SLCO6A1: variants seen among roughly 807,000 people sequenced by gnomAD.
SLCO6A1 encodes the protein solute carrier organic anion transporter family member 6A1.
In SLCO6A1, 65 loss-of-function variants were observed where a neutral mutation model predicts 72.7. The ratio of observed to expected loss-of-function variants is 0.89; its 90% CI spans 0.73 to 1.10. SLCO6A1 has a LOEUF of 1.10. SLCO6A1 is among the 50% of genes least tolerant of loss of function. SLCO6A1 has a pLI of 0.00. For synonymous variants in SLCO6A1, 314 were observed against 298.2 expected, an observed-to-expected ratio of 1.05 and a Z score of -0.55; for missense variants, 874 against 872.6, an observed-to-expected ratio of 1.00 and a Z score of -0.02.
chr5:102,439,483 T>C (rs1749720839), intron 6 of SLCO6A1, among the ~76,000 whole-genome samples: 1 of 152,194 alleles, frequency 6.6e-6, no homozygotes, highest in Non-Finnish European at 1.5e-5. Context: ...ATTTAAATTT[T>C]CTTTTTCTGG....
At chr5:102,431,795 T>G (rs528028628) in intron 7 of SLCO6A1, among the ~76,000 whole-genome samples, 1 of 152,214 alleles carries the variant, frequency 6.6e-6, no homozygotes, top group Non-Finnish European at 1.5e-5. Flanking sequence ...TTTGTTAATT[T>G]TCTGCCTTGA....
chr5:102,439,141 C>T (rs1749705939), intron 6 of SLCO6A1, among the ~76,000 whole-genome samples: 1 of 151,490 alleles, frequency 6.6e-6, no homozygotes, highest in African/African-American at 2.4e-5. Context: ...TTTTTTTAAG[C>T]AAGTCTTTTT....
At chr5:102,391,182 T>A in intron 10 of SLCO6A1, 137 bp from the exon 11 acceptor site, 1 of 770,550 alleles carries the variant, frequency 1.3e-6, no homozygotes, top group Non-Finnish European at 2.1e-6. Flanking sequence ...TGACAGAGTT[T>A]AAGCTGGCCT....
At chr5:102,477,338 G>A (rs1242302809) in intron 3 of SLCO6A1, among the ~76,000 whole-genome samples, 2 of 152,112 alleles carry the variant, frequency 1.3e-5, no homozygotes, top group African/African-American at 4.8e-5. Flanking sequence ...TGGCCAGGCT[G>A]GTTTTGAACT....
At chr5:102,493,868 TAA>T (rs1395586594) in intron 1 of SLCO6A1, among the ~76,000 whole-genome samples, 1 of 152,150 alleles carries the variant, frequency 6.6e-6, no homozygotes, top group Non-Finnish European at 1.5e-5. Context: ...TTAATATCGT[TAA>T]GAGGTCAATT....
At chr5:102,497,870 C>G (rs1752976565) in intron 1 of SLCO6A1, among the ~76,000 whole-genome samples, 1 of 152,206 alleles carries the variant, frequency 6.6e-6, no homozygotes, top group South Asian at 2.1e-4. Flanking sequence ...GTCATGCAGC[C>G]TCTGGCGCCA....
At position 102,419,911 on chromosome 5, in the gene SLCO6A1, C is replaced by G; in HGVS notation, c.1387G>C (p.Val463Leu). ...ALMRFIMVTS[V>L]ISLILLVFII... ...AACACAAGCAGTATAAGTGATATCA[C>G]AGATGTAACCATTATAAATCTCATA... The change falls in exon 8 of 14, where the codon GTG becomes CTG. Residue 463 changes from valine to leucine, a missense_variant. Physicochemically the swap from Val to Leu is conservative, Grantham distance 32. Transcript: ENST00000506729. 1 of 1,608,172 alleles carries G rather than the reference C, an allele frequency of 6.2e-7. No individual in the cohort carries two copies. The highest frequency in any genetic ancestry group is 8.5e-7 in the Non-Finnish European group (1 of 1,178,174).
At chr5:102,375,161 A>G (rs1312477270) in intron 12 of SLCO6A1, among the ~76,000 whole-genome samples, 1 of 152,204 alleles carries the variant, frequency 6.6e-6, no homozygotes, top group East Asian at 1.9e-4. Flanking sequence ...AAGCTTTCAA[A>G]CAAATAGCAA....
At chr5:102,455,007 AAT>A (rs912771095) in intron 6 of SLCO6A1, among the ~76,000 whole-genome samples, 2,854 of 76,646 alleles carry the variant, frequency 0.037, 37 homozygotes, top group South Asian at 0.077. Context: ...AATATATATA[AAT>A]ATATATATAT....
At chr5:102,434,312 C>A (rs1295930907) in intron 7 of SLCO6A1, among the ~76,000 whole-genome samples, 1 of 152,016 alleles carries the variant, frequency 6.6e-6, no homozygotes, top group African/African-American at 2.4e-5. Flanking sequence ...AAGTATAATG[C>A]CTCCCTCTGG....
chr5:102,458,252 A>C (rs959846634), intron 6 of SLCO6A1, 130 bp downstream of exon 6: 21 of 627,748 alleles, frequency 3.3e-5, no homozygotes, highest in African/African-American at 2.9e-4. Flanking sequence ...AAAGTATAAT[A>C]ATAAAAAAGA....
intron 10 of SLCO6A1, among the ~76,000 whole-genome samples, chr5:102,392,400 C>A (rs1746815116): frequency 6.6e-6 from 1 of 151,820 alleles, no homozygotes; most frequent in Admixed American, 6.6e-5. Context: ...GGAAATGTTG[C>A]CTAATTATAA....
rs538530625 is a variant in SLCO6A1, at chr5:102,439,500, A to G, written c.1132-739T>C. Among the ~76,000 whole-genome samples, 166 of 152,236 alleles carry G rather than the reference A, an allele frequency of 1.1e-3. 1 individual carries two copies. Among genetic ancestry groups the G allele is most frequent in the African/African-American group, 3.7e-3 (155 of 41,566 alleles). On this transcript the variant is annotated intron_variant, in intron 6 of 13. Transcript: ENST00000506729. ...TTAAATTTTCTTTTTCTGGCCCTAA[A>G]CATCCCTGTTAGGTATGATCATAGT... is the stretch of plus-strand genomic sequence containing the variant.
intron 10 of SLCO6A1, among the ~76,000 whole-genome samples, chr5:102,399,249 T>C (rs1747264968): frequency 6.9e-6 from 1 of 144,930 alleles, no homozygotes; most frequent in African/African-American, 2.6e-5. Context: ...GAGTTAACAT[T>C]ATAATCAAAT....
At chr5:102,426,773 T>C (rs2112637347) in intron 7 of SLCO6A1, among the ~76,000 whole-genome samples, 1 of 152,356 alleles carries the variant, frequency 6.6e-6, no homozygotes, top group African/African-American at 2.4e-5. Context: ...ACTGCTTATA[T>C]ATCCAAAGGA....
At chr5:102,477,998 T>G in intron 2 of SLCO6A1, 137 bp from the exon 3 acceptor site, 1 of 807,536 alleles carries the variant, frequency 1.2e-6, no homozygotes. Flanking sequence ...TCATTTACAT[T>G]GAATGTAGTA....
chr5:102,487,832 G>T (rs964230682), intron 1 of SLCO6A1, among the ~76,000 whole-genome samples: 4 of 152,144 alleles, frequency 2.6e-5, no homozygotes, highest in Admixed American at 6.5e-5. Context: ...AAGAAAGACA[G>T]GTTATTGCTG....
intron 6 of SLCO6A1, among the ~76,000 whole-genome samples, chr5:102,453,715 T>G (rs758921398): frequency 7.0e-4 from 106 of 152,168 alleles, no homozygotes; most frequent in Non-Finnish European, 1.3e-3. Context: ...TTTTTAATTA[T>G]TTTCCTCATT....
intron 7 of SLCO6A1, chr5:102,438,410 A>G (rs1231625343): frequency 1.7e-5 from 6 of 361,626 alleles, no homozygotes; most frequent in Non-Finnish European, 2.5e-5. Context: ...GATAAATGGG[A>G]TAAAGGAGGA....
Sources: gnomAD v4.1 joint callset for allele counts (sites outside exome capture counted in the v4.1 genomes callset) on GRCh38, gnomAD v4.1.1 for gene constraint, MANE v1.5 for transcripts, NCBI Gene and HGNC (gene_info 2026-07-23, HGNC 2026-07-21) for gene names.